The following LOC400499 variants were observed in gnomAD, a reference collection of about 807,000 sequenced individuals.
chr16:11,515,763 A>AAAAAGGGAGGAGGAGGAGG, the LOC400499 span, among the ~76,000 whole-genome samples: 93 of 31,124 alleles, frequency 3.0e-3, no homozygotes, highest in African/African-American at 6.5e-3. Flanking sequence ...GGAGGAGGAG[A>AAAAAGGGAGGAGGAGGAGG]AAAAGGGAGG....
At chr16:11,415,676 G>T in the LOC400499 span, among the ~76,000 whole-genome samples, 1 of 152,196 alleles carries the variant, frequency 6.6e-6, no homozygotes, top group African/African-American at 2.4e-5. Flanking sequence ...TTAACGACAG[G>T]CAGAGCATCC....
chr16:11,441,216 C>G, the LOC400499 span: 1 of 397,216 alleles, frequency 2.5e-6, no homozygotes, highest in Non-Finnish European at 4.4e-6. Flanking sequence ...CACTCTTCCA[C>G]TTATAGGGCA....
the LOC400499 span, among the ~76,000 whole-genome samples, chr16:11,377,334 C>G: frequency 6.6e-6 from 1 of 152,062 alleles, no homozygotes; most frequent in Non-Finnish European, 1.5e-5. Context: ...ATTTGGATGC[C>G]TTTTCTTTCT....
At chr16:11,390,439 G>A in the LOC400499 span, 5 of 1,250,064 alleles carry the variant, frequency 4.0e-6, no homozygotes, top group Admixed American at 3.9e-5. Context: ...CTCCAGGTAG[G>A]CATCCTTCAG....
chr16:11,384,374 C>T, the LOC400499 span: 1 of 1,064,624 alleles, frequency 9.4e-7, no homozygotes, highest in Non-Finnish European at 1.2e-6. Context: ...CTGTGATCCT[C>T]CCCCAGCCCC....
the LOC400499 span, among the ~76,000 whole-genome samples, chr16:11,423,594 G>A: frequency 6.6e-6 from 1 of 152,218 alleles, no homozygotes; most frequent in Admixed American, 6.5e-5. Context: ...AGTCAGCGAC[G>A]GTGCAGCCTG....
At chr16:11,523,998 C>T in the LOC400499 span, among the ~76,000 whole-genome samples, 1 of 118,006 alleles carries the variant, frequency 8.5e-6, no homozygotes, top group Non-Finnish European at 1.8e-5. Flanking sequence ...GCCCACTCCC[C>T]ACACCCCTCC....
At chr16:11,438,071 G>T in the LOC400499 span, among the ~76,000 whole-genome samples, 2 of 152,102 alleles carry the variant, frequency 1.3e-5, no homozygotes, top group African/African-American at 4.8e-5. Context: ...CTAAATCTCA[G>T]AGCCTCACCC....
the LOC400499 span, chr16:11,439,662 T>A: frequency 4.1e-3 from 1,627 of 398,470 alleles, 9 homozygotes; most frequent in Non-Finnish European, 5.4e-3. Flanking sequence ...ACTGGGCAAA[T>A]GCATCCCAGA....
At chr16:11,397,275 G>A in the LOC400499 span, among the ~76,000 whole-genome samples, 3 of 152,126 alleles carry the variant, frequency 2.0e-5, no homozygotes, top group African/African-American at 7.2e-5. Flanking sequence ...GCCCACTCTT[G>A]TAAATGCTTT....
At chr16:11,414,855 G>T in the LOC400499 span, among the ~76,000 whole-genome samples, 1 of 152,180 alleles carries the variant, frequency 6.6e-6, no homozygotes, top group Non-Finnish European at 1.5e-5. Flanking sequence ...CCATCTCCCT[G>T]GAGTGTGGTT....
At chr16:11,399,862 G>T in the LOC400499 span, 1 of 398,576 alleles carries the variant, frequency 2.5e-6, no homozygotes, top group Non-Finnish European at 4.4e-6. Flanking sequence ...GGACATGTAG[G>T]GGAGAGGAGA....
the LOC400499 span, chr16:11,385,183 T>TGC: frequency 8.1e-7 from 1 of 1,231,626 alleles, no homozygotes; most frequent in Non-Finnish European, 1.0e-6. Context: ...GGCTCAGTCC[T>TGC]ACAGGCTGCC....
the LOC400499 span, among the ~76,000 whole-genome samples, chr16:11,503,125 T>G: frequency 7.2e-6 from 1 of 138,482 alleles, no homozygotes; most frequent in African/African-American, 3.0e-5. Context: ...GGTTTCACCA[T>G]GTTGGTCTCA....
At chr16:11,379,314 T>C in the LOC400499 span, among the ~76,000 whole-genome samples, 19 of 152,236 alleles carry the variant, frequency 1.2e-4, no homozygotes, top group Admixed American at 6.5e-5. Flanking sequence ...TCTCCTTTCA[T>C]TCTACAGTGT....
At chr16:11,411,423 G>C in the LOC400499 span, 42 of 398,176 alleles carry the variant, frequency 1.1e-4, no homozygotes, top group Non-Finnish European at 7.1e-5. Context: ...TTCCCCGAGA[G>C]AGAGTCAGAG....
chr16:11,434,393 G>A, the LOC400499 span, among the ~76,000 whole-genome samples: 3 of 152,062 alleles, frequency 2.0e-5, no homozygotes, highest in Non-Finnish European at 2.9e-5. Context: ...GTGCGGTGGT[G>A]AGCCTGTGAT....
chr16:11,464,148 GATGTGT>G, the LOC400499 span, among the ~76,000 whole-genome samples: 25 of 91,640 alleles, frequency 2.7e-4, no homozygotes, highest in Admixed American at 5.0e-4. Context: ...ACGTGTGTAT[GATGTGT>G]ATGTGTATGG....
At chr16:11,483,562 G>A in the LOC400499 span, among the ~76,000 whole-genome samples, 1 of 152,032 alleles carries the variant, frequency 6.6e-6, no homozygotes, top group African/African-American at 2.4e-5. Flanking sequence ...AAGAGTACAT[G>A]CTTTTTTTAA....
Sources: gnomAD v4.1 joint callset for allele counts (sites outside exome capture counted in the v4.1 genomes callset) on GRCh38, gnomAD v4.1.1 for gene constraint, MANE v1.5 for transcripts.